Variants in DCC observed in about 807,000 individuals in gnomAD.
The protein encoded by DCC is DCC netrin 1 receptor.
Under a neutral mutation model 172.5 loss-of-function variants are expected in DCC, and 58 were observed. That is an observed-to-expected ratio of 0.34 (90% CI 0.27 to 0.42). The LOEUF is 0.42. DCC is among the 10% of genes least tolerant of loss of function. The probability of loss-of-function intolerance (pLI) is 1.00; values close to 1 mark genes in which losing one functional copy is unlikely to be tolerated. For synonymous variants in DCC, 709 were observed against 644.5 expected, an observed-to-expected ratio of 1.10 and a Z score of -1.52; for missense variants, 1,740 against 1,791.0, an observed-to-expected ratio of 0.97 and a Z score of 0.51.
At chr18:53,087,269 T>C (rs2042928178) in intron 7 of DCC, among the ~76,000 whole-genome samples, 1 of 151,554 alleles carries the variant, frequency 6.6e-6, no homozygotes, top group Non-Finnish European at 1.5e-5. Flanking sequence ...ACCTGTTGTT[T>C]CCTGACTTTT....
chr18:52,386,215 C>T (rs1237146310), intron 1 of DCC, among the ~76,000 whole-genome samples: 1 of 152,052 alleles, frequency 6.6e-6, no homozygotes, highest in East Asian at 1.9e-4. Context: ...TTCTGAACCG[C>T]TATTTCAGAA....
intron 1 of DCC, among the ~76,000 whole-genome samples, chr18:52,519,447 G>A (rs890563161): frequency 6.6e-6 from 1 of 151,744 alleles, no homozygotes; most frequent in Admixed American, 6.6e-5. Flanking sequence ...TGATATAGGA[G>A]AAGAAAAGAT....
At chr18:52,769,020 C>T (rs1232764727) in intron 2 of DCC, among the ~76,000 whole-genome samples, 1 of 152,082 alleles carries the variant, frequency 6.6e-6, no homozygotes, top group Non-Finnish European at 1.5e-5. Flanking sequence ...AATGGAATTC[C>T]TTCAATAAAA....
chr18:53,341,273 A>G lies in DCC; in HGVS notation c.2359+1366A>G, dbSNP rs189695271. On this transcript the variant is annotated intron_variant, in intron 15 of 28. Coordinates refer to ENST00000442544, the MANE Select transcript of DCC (RefSeq NM_005215.4). ...CTCCCAGGCAATGAGAATGTGCTGCAAACTCAGAAGGAAGTCAGGAGGGAA... is the reference window on the plus strand; with the variant it reads ...CTCCCAGGCAATGAGAATGTGCTGCGAACTCAGAAGGAAGTCAGGAGGGAA... Among the ~76,000 whole-genome samples the G allele has an allele frequency of 5.6e-3, 852 of 152,286 alleles. 6 individuals carry two copies. Among genetic ancestry groups the G allele is most frequent in the Admixed American group, 0.025 (375 of 15,296 alleles).
chr18:53,516,147 A>T (rs1042245480), intron 27 of DCC, among the ~76,000 whole-genome samples: 1 of 151,094 alleles, frequency 6.6e-6, no homozygotes, highest in Admixed American at 6.5e-5. Flanking sequence ...ATAATGCCGC[A>T]TATCTACAAC....
rs185744530 is a variant in DCC at position 52,611,291 on chromosome 18, A to G, written c.92-140763A>G. On this transcript the variant is annotated intron_variant, in intron 1 of 28. Transcript: ENST00000442544. Reference sequence around the variant, plus strand: ...TCTGAATAGTTCTTAGGAGTTCATCAAGGTCCCATTCAGTTCTCACATCTA... The same window carrying G: ...TCTGAATAGTTCTTAGGAGTTCATCGAGGTCCCATTCAGTTCTCACATCTA... 2.2e-3 allele frequency among the ~76,000 whole-genome samples: 341 copies of G among 152,236 alleles called. 1 individual carries two copies. The highest frequency in any genetic ancestry group is 3.7e-3 in the Non-Finnish European group (249 of 68,012).
At chr18:53,370,022 A>G (rs1427567299) in intron 15 of DCC, among the ~76,000 whole-genome samples, 3 of 151,752 alleles carry the variant, frequency 2.0e-5, no homozygotes, top group Admixed American at 6.6e-5. Flanking sequence ...GAAAGATTTT[A>G]AAAAGAACTG....
At chr18:53,168,278 G>A (rs558143263) in intron 8 of DCC, among the ~76,000 whole-genome samples, 184 of 152,002 alleles carry the variant, frequency 1.2e-3, no homozygotes, top group African/African-American at 3.7e-3. Flanking sequence ...TGTTTATTGC[G>A]GCACTGTTCA....
At chr18:52,759,223 T>C (rs1039861620) in intron 2 of DCC, 1 of 152,174 alleles carries the variant, frequency 6.6e-6, no homozygotes, top group Non-Finnish European at 1.5e-5. Flanking sequence ...ACTTAAATAA[T>C]TGCATTTTAA....
intron 1 of DCC, among the ~76,000 whole-genome samples, chr18:52,366,847 G>GGAT (rs1329925687): frequency 6.6e-6 from 1 of 152,250 alleles, no homozygotes; most frequent in Non-Finnish European, 1.5e-5. Flanking sequence ...TTCACCCAGT[G>GGAT]GATCCCGCAC....
intron 1 of DCC, among the ~76,000 whole-genome samples, chr18:52,551,402 A>C (rs1477137752): frequency 6.6e-6 from 1 of 152,150 alleles, no homozygotes; most frequent in East Asian, 1.9e-4. Context: ...AAATGGAGAA[A>C]AATAAAGAAA....
At chr18:52,806,225 T>G (rs1334632426) in intron 2 of DCC, among the ~76,000 whole-genome samples, 1 of 152,170 alleles carries the variant, frequency 6.6e-6, no homozygotes, top group African/African-American at 2.4e-5. Context: ...AGTAAGAGAC[T>G]TCCCATACAC....
At chr18:52,620,159 T>C (rs906347434) in intron 1 of DCC, among the ~76,000 whole-genome samples, 2 of 152,242 alleles carry the variant, frequency 1.3e-5, no homozygotes, top group African/African-American at 2.4e-5. Flanking sequence ...TGAATTTACT[T>C]CTAGTTCTTA....
intron 15 of DCC, among the ~76,000 whole-genome samples, chr18:53,368,087 CTTG>C (rs2058024877): frequency 1.3e-5 from 2 of 152,150 alleles, no homozygotes; most frequent in African/African-American, 2.4e-5. Context: ...CCTGCCAACA[CTTG>C]TTGTTTTGTT....
chr18:52,791,478 T>TTG (rs1231470999), intron 2 of DCC, among the ~76,000 whole-genome samples: 5 of 139,184 alleles, frequency 3.6e-5, no homozygotes, highest in African/African-American at 1.3e-4. Flanking sequence ...TTTTGTTTTT[T>TTG]TTTTGTTTTT....
At chr18:53,343,295 C>A (rs1442855432) in intron 15 of DCC, among the ~76,000 whole-genome samples, 1 of 151,858 alleles carries the variant, frequency 6.6e-6, no homozygotes, top group Non-Finnish European at 1.5e-5. Flanking sequence ...AGGTTATTAC[C>A]TCTGGTCTCT....
chr18:52,801,829 C>T (rs927661022), intron 2 of DCC, among the ~76,000 whole-genome samples: 4 of 152,128 alleles, frequency 2.6e-5, no homozygotes, highest in Non-Finnish European at 5.9e-5. Context: ...ACATGTATCT[C>T]TGTCACTGAG....
At chr18:52,990,763 C>T (rs914246620) in intron 5 of DCC, among the ~76,000 whole-genome samples, 1 of 151,950 alleles carries the variant, frequency 6.6e-6, no homozygotes, top group Non-Finnish European at 1.5e-5. Flanking sequence ...GTAAAAGAAA[C>T]AATTTTTATA....
At chr18:52,557,219 G>T (rs1466004482) in intron 1 of DCC, among the ~76,000 whole-genome samples, 1 of 152,164 alleles carries the variant, frequency 6.6e-6, no homozygotes. Flanking sequence ...TTAGTGTATG[G>T]TTATTCATAT....
Sources: gnomAD v4.1 joint callset for allele counts (sites outside exome capture counted in the v4.1 genomes callset) on GRCh38, gnomAD v4.1.1 for gene constraint, MANE v1.5 for transcripts, NCBI Gene and HGNC (gene_info 2026-07-23, HGNC 2026-07-21) for gene names.